Variants in BZW1 observed in about 807,000 individuals in gnomAD.
BZW1 encodes eIF5-mimic protein 2.
In BZW1, 3 loss-of-function variants were observed where a neutral mutation model predicts 54.1. The observed-to-expected ratio is 0.06, with a 90% CI of 0.03 to 0.14. The LOEUF (loss-of-function observed/expected upper bound fraction) is 0.14, where lower values mean the gene tolerates loss of function less well. BZW1 is among the 10% of genes least tolerant of loss of function. The pLI is 1.00. For missense variants in BZW1, 206 were observed against 491.7 expected, an observed-to-expected ratio of 0.42 and a Z score of 5.50; for synonymous variants, 152 against 162.7, an observed-to-expected ratio of 0.93 and a Z score of 0.50.
In BZW1 at chr2:200,815,728, A is replaced by G. The variant is rs780368949; in HGVS notation, c.303A>G (p.Gln101=). ...MRTDVCVFAA[Q]EDLETMQAFA... ...CAGATGTCTGCGTGTTTGCAGCCCAAGAAGATCTAGAGACCATGCAAGCAT... is the reference window on the plus strand; with the variant it reads ...CAGATGTCTGCGTGTTTGCAGCCCAGGAAGATCTAGAGACCATGCAAGCAT... The change falls in exon 4 of 12, where the codon CAA becomes CAG. Residue 101 remains glutamine, a synonymous_variant. Coordinates refer to ENST00000409600, the MANE Select transcript of BZW1 (RefSeq NM_001207067.2). 19 of 1,586,964 alleles carry G rather than the reference A, an allele frequency of 1.2e-5. No individual in the cohort carries two copies. Among genetic ancestry groups the G allele is most frequent in the Non-Finnish European group, 5.1e-6 (6 of 1,166,474 alleles).
chr2:200,822,139 T>C lies in BZW1; in HGVS notation c.1229-8T>C. On this transcript the variant is annotated splice_region_variant and splice_polypyrimidine_tract_variant and intron_variant, in intron 11 of 11. Transcript: ENST00000409600. ...ATAATGTTTGACTGTTTTTTTCCCC[T>C]TTTCTAGAATCTGAATCTGAAGCTG... is the stretch of plus-strand genomic sequence containing the variant. The C allele has an allele frequency of 1.2e-6, 2 of 1,604,406 alleles. No homozygotes were observed. The highest frequency in any genetic ancestry group is 1.7e-6 in the Non-Finnish European group (2 of 1,174,420).
At position 200,824,860 on chromosome 2, in the gene BZW1, G is replaced by A. The variant is rs2038650980; in HGVS notation, c.*2682G>A. On this transcript the variant is annotated 3_prime_UTR_variant, in exon 12 of 12. Transcript: ENST00000409600. The stretch of plus-strand genomic sequence containing the variant: ...CTAATTTTTTTGTATTTTTAGTAGA[G>A]ACGAGGTTTCACCGGATTAGCGAGG... 6.6e-6 allele frequency: 1 copy of A among 151,890 alleles called. No individual in the cohort carries two copies. The highest frequency in any genetic ancestry group is 1.5e-5 in the Non-Finnish European group (1 of 68,000). The allele number at this position is 151,890 out of a possible 1,614,324, so 9.4% of individuals were successfully genotyped here. A position where few individuals can be genotyped will look rare whatever the true frequency, so the allele number is the denominator to read the frequency against.
At chr2:200,817,337 C>T (rs916770878) in intron 6 of BZW1, 96 bp downstream of exon 6, 51 of 1,410,500 alleles carry the variant, frequency 3.6e-5, no homozygotes, top group African/African-American at 3.3e-4. Context: ...TGAAAGTCTT[C>T]GTTTATTAAC....
In BZW1 at chr2:200,822,255, C is replaced by T. The variant is rs1011415758; in HGVS notation, c.*77C>T. The T allele has an allele frequency of 1.1e-5, 14 of 1,256,788 alleles. No individual in the cohort carries two copies. The highest frequency in any genetic ancestry group is 1.4e-5 in the Non-Finnish European group (12 of 881,262). The allele number at this position is 1,256,788 out of a possible 1,614,324, so 77.9% of individuals were successfully genotyped here. A position where few individuals can be genotyped will look rare whatever the true frequency, so the allele number is the denominator to read the frequency against. ...CATGTCTCATGTGTCCTGGTTCTTA[C>T]ATCTTCCTACCTCCCTGTATCAAGC... On this transcript the variant is annotated 3_prime_UTR_variant, in exon 12 of 12. Transcript: ENST00000409600.
chr2:200,815,527 T>C lies in BZW1; in HGVS notation c.241+10T>C, dbSNP rs757877238. The stretch of plus-strand genomic sequence containing the variant: ...GCTGGTGGAATGCTGGGTAAGTGTC[T>C]GTGGTTTGTGGGCTTAATAATTTAG... On this transcript the variant is annotated intron_variant, in intron 3 of 11. Coordinates refer to ENST00000409600, the MANE Select transcript of BZW1 (RefSeq NM_001207067.2). 6.2e-6 allele frequency: 10 copies of C among 1,613,160 alleles called. No homozygotes were observed. The African/African-American group carries it at 1.3e-4, about 22-fold the overall frequency.
intron 10 of BZW1, among the ~76,000 whole-genome samples, chr2:200,820,677 C>T (rs1256707724): frequency 6.6e-6 from 1 of 150,604 alleles, no homozygotes; most frequent in Non-Finnish European, 1.5e-5. Context: ...AAGTGAGACC[C>T]TGTTTCAAAA....
Position 200,821,180 on chromosome 2 carries a change from C to T in BZW1, c.1106-3C>T. 6.2e-7 allele frequency: 1 copy of T among 1,610,922 alleles called. No individual in the cohort carries two copies. Among genetic ancestry groups the T allele is most frequent in the Non-Finnish European group, 8.5e-7 (1 of 1,179,278 alleles). ...CCCTTAATGCAATGAGTTTTCTTTC[C>T]AGCTGAAGTCCTGAGCGAGGAGCCC... On this transcript the variant is annotated splice_polypyrimidine_tract_variant and splice_region_variant and intron_variant, in intron 10 of 11. Coordinates refer to ENST00000409600, the MANE Select transcript of BZW1 (RefSeq NM_001207067.2).
In BZW1 at chr2:200,812,894, A is replaced by G. The variant is rs1363686200; in HGVS notation, c.-10-314A>G. The stretch of plus-strand genomic sequence containing the variant: ...TAGTGGTCGTGGAAGATGTAAGTGA[A>G]TGTAAAGAGGAATGTGGAGAAAACT... On this transcript the variant is annotated intron_variant, in intron 1 of 11. Transcript: ENST00000409600. 1.1e-5 allele frequency: 7 copies of G among 652,836 alleles called. No individual in the cohort carries two copies. In the East Asian group the frequency reaches 1.6e-4, roughly 15 times the overall value. 40.4% of individuals were successfully genotyped at this position (652,836 alleles called of 1,614,324 possible).
intron 9 of BZW1, chr2:200,819,245 C>T: frequency 4.4e-6 from 1 of 224,836 alleles, no homozygotes; most frequent in Non-Finnish European, 8.7e-6. Context: ...CAAAAAATAG[C>T]CAGTCGTGGT....
At chr2:200,819,086 A>G in intron 9 of BZW1, 185 bp downstream of exon 9, 1 of 734,572 alleles carries the variant, frequency 1.4e-6, no homozygotes, top group Non-Finnish European at 2.1e-6. Context: ...TGTGGTTCAC[A>G]GGTTAAAAAC....
chr2:200,821,598 T>C (rs1279439659), intron 11 of BZW1, among the ~76,000 whole-genome samples: 6 of 152,088 alleles, frequency 3.9e-5, no homozygotes, highest in African/African-American at 1.4e-4. Flanking sequence ...AGAGTCTCAC[T>C]ATGTTGCCGA....
rs551505298 is a variant in BZW1 at position 200,815,384 on chromosome 2, T to C, written c.108T>C (p.Ile36=). 6 of 1,613,978 alleles carry C rather than the reference T, an allele frequency of 3.7e-6. No individual in the cohort carries two copies. The East Asian group carries it at 1.3e-4, about 36-fold the overall frequency. ...ACCCTACTCAGTTTCAAGACTGTAT[T>C]ATTCAAGGCTTAACTGAAACCGGTA... is the stretch of plus-strand genomic sequence containing the variant. ...RFDPTQFQDC[I]IQGLTETGTD... The change falls in exon 3 of 12, where the codon ATT becomes ATC. Residue 36 remains isoleucine (I), a synonymous_variant. Coordinates refer to ENST00000409600, the MANE Select transcript of BZW1 (RefSeq NM_001207067.2).
chr2:200,812,696 T>C, intron 1 of BZW1: 1 of 925,284 alleles, frequency 1.1e-6, no homozygotes, highest in South Asian at 1.6e-5. Flanking sequence ...GCCTGAGTGG[T>C]GCAAGGCGGC....
Position 200,823,638 on chromosome 2 carries a change from G to A in BZW1, c.*1460G>A, listed in dbSNP as rs552770304. 6.6e-6 allele frequency: 1 copy of A among 152,572 alleles called. No individual in the cohort carries two copies. The highest frequency in any genetic ancestry group is 1.9e-4 in the East Asian group (1 of 5,186). 9.5% of individuals were successfully genotyped at this position (152,572 alleles called of 1,614,324 possible). ...ACATGTAATATAATTTGAAATAAAG[G>A]TATAGTAACCTTAAAAAGAACATTA... On this transcript the variant is annotated 3_prime_UTR_variant, in exon 12 of 12. Coordinates refer to ENST00000409600, the MANE Select transcript of BZW1 (RefSeq NM_001207067.2).
chr2:200,818,722 G>T (rs2038385734), intron 8 of BZW1, 33 bp from the exon 9 acceptor site: 1 of 1,567,472 alleles, frequency 6.4e-7, no homozygotes, highest in South Asian at 1.2e-5. Flanking sequence ...AATCAAAACT[G>T]ACTTCTGTTA....
chr2:200,812,584 G>T, intron 1 of BZW1: 2 of 1,401,788 alleles, frequency 1.4e-6, no homozygotes, highest in Non-Finnish European at 1.9e-6. Context: ...GGCTCGGGCG[G>T]GAGGCATGGG....
At chr2:200,814,000 C>T (rs1010847766) in intron 2 of BZW1, among the ~76,000 whole-genome samples, 21 of 152,150 alleles carry the variant, frequency 1.4e-4, no homozygotes, top group African/African-American at 5.1e-4. Context: ...AAGTAGCAGA[C>T]ATTTTGAGAT....
rs1198954080 is a variant in BZW1, at chr2:200,824,079, AGT to A, written c.*1906_*1907del. ...CATTTTATACTGTGTATAGTGAAAAAGTGTGTCATCTTCCAGAACTACATTAT... is the reference window on the plus strand; with the variant it reads ...CATTTTATACTGTGTATAGTGAAAAAGTGTCATCTTCCAGAACTACATTAT... On this transcript the variant is annotated 3_prime_UTR_variant, in exon 12 of 12. Coordinates refer to ENST00000409600, the MANE Select transcript of BZW1 (RefSeq NM_001207067.2). 1.3e-5 allele frequency: 2 copies of A among 152,168 alleles called. No homozygotes were observed. The highest frequency in any genetic ancestry group is 2.9e-5 in the Non-Finnish European group (2 of 68,012). 9.4% of individuals were successfully genotyped at this position (152,168 alleles called of 1,614,324 possible).
intron 9 of BZW1, 148 bp from the exon 10 acceptor site, chr2:200,819,834 C>T (rs1559314042): frequency 3.9e-6 from 3 of 761,188 alleles, no homozygotes; most frequent in African/African-American, 3.7e-5. Context: ...CTGTGCCCAG[C>T]CTATTTTTTA....
Sources: allele counts gnomAD v4.1 joint callset (sites outside exome capture counted in the v4.1 genomes callset), GRCh38; gene constraint gnomAD v4.1.1; transcripts MANE v1.5; gene names NCBI Gene and HGNC (gene_info 2026-07-23, HGNC 2026-07-21).